Variants in SLC5A6 observed in about 807,000 individuals in gnomAD.
SLC5A6 encodes the protein sodium-dependent multivitamin transporter.
A neutral mutation model predicts 67.9 loss-of-function variants in SLC5A6; 31 were observed. The ratio of observed to expected loss-of-function variants is 0.46; its 90% confidence interval spans 0.34 to 0.62. SLC5A6 has a LOEUF of 0.62. Ranked by LOEUF, SLC5A6 falls within the 20% of genes least tolerant of loss-of-function variation. The probability of loss-of-function intolerance (pLI) is 0.01; values close to 1 mark genes in which losing one functional copy is unlikely to be tolerated. For synonymous variants in SLC5A6, 343 were observed against 331.0 expected (o/e 1.04, Z -0.39); for missense variants, 673 against 812.8 (o/e 0.83, Z 2.09).
At chr2:27,203,707 G>T in intron 10 of SLC5A6, 72 bp downstream of exon 10, 1 of 1,136,770 alleles carries the variant, frequency 8.8e-7, no homozygotes, top group Non-Finnish European at 1.3e-6. Context: ...CTATCACCCC[G>T]CTCCACCCAT....
Position 27,207,425 on chromosome 2 carries a change from G to A in SLC5A6, c.226C>T (p.Leu76=), listed in dbSNP as rs759059457. The A allele has an allele frequency of 1.9e-6, 3 of 1,614,244 alleles. No homozygotes were observed. Among genetic ancestry groups the A allele is most frequent in the East Asian group, 2.2e-5 (1 of 44,890 alleles). ...MGCLPVALSL[L]ATFQSAVAIL... is the part of the protein sequence containing the mutation. ...GCCACGGCTGACTGGAAGGTGGCCA[G>A]CAGGGACAGTGCCACCGGAAGGCAG... The change falls in exon 3 of 17, where the codon CTG becomes TTG. Residue 76 remains leucine, a synonymous_variant. Coordinates refer to ENST00000310574, the MANE Select transcript of SLC5A6 (RefSeq NM_021095.4). This position sits in a 1 kb window ranked among gnomAD's most constrained non-coding sequence, Gnocchi z 5.5.
intron 8 of SLC5A6, 83 bp downstream of exon 8, chr2:27,204,708 T>A: frequency 6.2e-7 from 1 of 1,603,740 alleles, no homozygotes; most frequent in Non-Finnish European, 8.5e-7. Context: ...GTATGCACTC[T>A]GGCATCCTGC....
rs1673836026 is a variant in SLC5A6 at position 27,203,834 on chromosome 2, C to T, written c.1039G>A (p.Gly347Ser). 1.9e-6 allele frequency: 3 copies of T among 1,614,064 alleles called. No individual in the cohort carries two copies. The African/African-American group carries it at 4.0e-5, about 22-fold the overall frequency. The change falls in exon 10 of 17, where the codon GGC becomes AGC. Residue 347 changes from glycine (G) to serine (S), a missense_variant. By Grantham distance (56) the Gly-to-Ser change is moderately conservative. Coordinates refer to ENST00000310574, the MANE Select transcript of SLC5A6 (RefSeq NM_021095.4). ...VLYFVMDLLK[G>S]LPGLPGLFIA... ...AAGAGCCCTGGCAGGCCTGGCAGGC[C>T]CTTCAGGAGATCCATCACAAAGTAC... is the stretch of plus-strand genomic sequence containing the variant.
In SLC5A6 at chr2:27,206,938, A is replaced by C; in HGVS notation, c.398T>G (p.Leu133Arg). Residue 133 changes from leucine to arginine, a missense_variant, in exon 4 of 17, where the codon CTG becomes CGG. Physicochemically the swap from Leu to Arg is moderately radical, Grantham distance 102 (BLOSUM62 -2). Coordinates refer to ENST00000310574, the MANE Select transcript of SLC5A6 (RefSeq NM_021095.4). ...CACAGTTTTATTGAATCGAAGCTCC[A>C]GGTACTGGGTATACAGAAAAAAAGA... ...RLHLTSAYEY[L>R]ELRFNKTVRV... is the part of the protein sequence containing the mutation. 2 of 1,612,656 alleles carry C rather than the reference A, an allele frequency of 1.2e-6. No individual in the cohort carries two copies. The highest frequency in any genetic ancestry group is 1.7e-6 in the Non-Finnish European group (2 of 1,178,644).
upstream of SLC5A6, chr2:27,212,421 C>T (rs1350263173): frequency 1.9e-6 from 3 of 1,555,396 alleles, no homozygotes; most frequent in South Asian, 3.6e-5. Flanking sequence ...TGGGCTGCCG[C>T]CCTGCTCCTC....
intron 2 of SLC5A6, among the ~76,000 whole-genome samples, chr2:27,209,660 AC>A (rs1404264527): frequency 6.6e-6 from 1 of 152,222 alleles, no homozygotes; most frequent in Non-Finnish European, 1.5e-5. Flanking sequence ...TTAGATTTCA[AC>A]TAATCAAGAG....
chr2:27,205,981 T>A (rs1299727156), intron 6 of SLC5A6, 45 bp downstream of exon 6: 1 of 1,414,204 alleles, frequency 7.1e-7, no homozygotes, highest in East Asian at 2.3e-5. Flanking sequence ...GTCCCCTCCT[T>A]ACTTCATCCC....
chr2:27,205,614 C>T, intron 6 of SLC5A6, 110 bp from the exon 7 acceptor site: 11 of 1,349,080 alleles, frequency 8.2e-6, no homozygotes, highest in Non-Finnish European at 1.2e-5. Context: ...TTGTTTTAGG[C>T]TTTTTGCAGC....
chr2:27,203,021 C>T (rs1673771442), intron 11 of SLC5A6, 141 bp from the exon 12 acceptor site: 2 of 1,510,212 alleles, frequency 1.3e-6, no homozygotes, highest in South Asian at 1.3e-5. Flanking sequence ...CCCCAGCTTC[C>T]TCCCACCAAG....
rs757880174 is a variant in SLC5A6 at position 27,206,859 on chromosome 2, T to A, written c.459+18A>T. 4 of 1,604,206 alleles carry A rather than the reference T, an allele frequency of 2.5e-6. No homozygotes were observed. The highest frequency in any genetic ancestry group is 3.4e-6 in the Non-Finnish European group (4 of 1,170,822). On this transcript the variant is annotated intron_variant, in intron 4 of 16. Coordinates refer to ENST00000310574, the MANE Select transcript of SLC5A6 (RefSeq NM_021095.4). ...CCCAACATGCCCTAGGCTCGGTTTC[T>A]ATCCTCATTCTGCTTACCATCTGAA...
Position 27,200,421 on chromosome 2 carries a change from G to T in SLC5A6, c.*15C>A, listed in dbSNP as rs775143012. 6.2e-7 allele frequency: 1 copy of T among 1,602,588 alleles called. No individual in the cohort carries two copies. Among genetic ancestry groups the T allele is most frequent in the Non-Finnish European group, 8.5e-7 (1 of 1,173,820 alleles). Reference sequence around the variant, plus strand: ...CCTGGCACAGTGAGGACAGAGGCGGGGTCCTGAGTCAACATCACAGGGAGG... The same window carrying T: ...CCTGGCACAGTGAGGACAGAGGCGGTGTCCTGAGTCAACATCACAGGGAGG... On this transcript the variant is annotated 3_prime_UTR_variant, in exon 17 of 17. Coordinates refer to ENST00000310574, the MANE Select transcript of SLC5A6 (RefSeq NM_021095.4).
chr2:27,206,013 T>C lies in SLC5A6; in HGVS notation c.579+13A>G. On this transcript the variant is annotated intron_variant, in intron 6 of 16. Coordinates refer to ENST00000310574, the MANE Select transcript of SLC5A6 (RefSeq NM_021095.4). ...TCCCTTCCCCTCCCCACACCACGGC[T>C]TACTGCACTTACCAGAGCTGTATAG... The C allele has an allele frequency of 1.9e-6, 3 of 1,604,406 alleles. No individual in the cohort carries two copies. The highest frequency in any genetic ancestry group is 2.6e-6 in the Non-Finnish European group (3 of 1,171,142).
chr2:27,202,695 G>A, intron 12 of SLC5A6, 118 bp downstream of exon 12: 1 of 879,540 alleles, frequency 1.1e-6, no homozygotes. Context: ...CATCAAAGGG[G>A]AATCTCTTAC....
In SLC5A6 at chr2:27,201,648, T is replaced by G; in HGVS notation, c.1544+18A>C. On this transcript the variant is annotated intron_variant, in intron 14 of 16. Transcript: ENST00000310574. ...GGAGGGCTTTGAGAAAACAAGAAGA[T>G]AGCAAGCCCTGCCTTACTTGGAGAA... 1 of 1,610,340 alleles carries G rather than the reference T, an allele frequency of 6.2e-7. No homozygotes were observed. The highest frequency in any genetic ancestry group is 8.5e-7 in the Non-Finnish European group (1 of 1,177,154).
Position 27,212,054 on chromosome 2 carries a change from G to C in SLC5A6, c.-242C>G. The C allele has an allele frequency of 9.3e-7, 1 of 1,072,594 alleles. No individual in the cohort carries two copies. The highest frequency in any genetic ancestry group is 1.3e-6 in the Non-Finnish European group (1 of 769,874). The allele number at this position is 1,072,594 out of a possible 1,614,324, so 66.4% of individuals were successfully genotyped here. A position where few individuals can be genotyped will look rare whatever the true frequency, so the allele number is the denominator to read the frequency against. Reference sequence around the variant, plus strand: ...ATGGAGGGGCCCGAGTTTCTGCGAAGCCGCGACCTCGGCGTCCGGACGCGG... The same window carrying C: ...ATGGAGGGGCCCGAGTTTCTGCGAACCCGCGACCTCGGCGTCCGGACGCGG... On this transcript the variant is annotated 5_prime_UTR_variant, in exon 1 of 17. Coordinates refer to ENST00000310574, the MANE Select transcript of SLC5A6 (RefSeq NM_021095.4).
At position 27,203,871 on chromosome 2, in the gene SLC5A6, C is replaced by T. The variant is rs1403655711; in HGVS notation, c.1006-4G>A. 4 of 1,612,532 alleles carry T rather than the reference C, an allele frequency of 2.5e-6. No homozygotes were observed. Among genetic ancestry groups the T allele is most frequent in the Admixed American group, 3.3e-5 (2 of 59,974 alleles). ...CCATCACAAAGTACAGGACGAACTG[C>T]AAGCAGAGCGGAGGTACACAGCAGT... On this transcript the variant is annotated splice_region_variant and splice_polypyrimidine_tract_variant and intron_variant, in intron 9 of 16. Coordinates refer to ENST00000310574, the MANE Select transcript of SLC5A6 (RefSeq NM_021095.4).
intron 9 of SLC5A6, among the ~76,000 whole-genome samples, chr2:27,204,148 T>C (rs1034338424): frequency 6.6e-6 from 1 of 152,176 alleles, no homozygotes; most frequent in Non-Finnish European, 1.5e-5. Context: ...GTCTGTTTTC[T>C]CCTCTGTGAA....
At chr2:27,212,564 G>A, upstream of SLC5A6, 4 of 1,484,170 alleles carry the variant, frequency 2.7e-6, no homozygotes, top group Non-Finnish European at 2.7e-6. Flanking sequence ...GCGGGCCTGC[G>A]GTTCTGATTT....
At position 27,207,677 on chromosome 2, in the gene SLC5A6, C is replaced by A; in HGVS notation, c.-27G>T. The A allele has an allele frequency of 6.3e-7, 1 of 1,589,278 alleles. No homozygotes were observed. The highest frequency in any genetic ancestry group is 8.6e-7 in the Non-Finnish European group (1 of 1,164,486). On this transcript the variant is annotated 5_prime_UTR_variant, in exon 3 of 17. Coordinates refer to ENST00000310574, the MANE Select transcript of SLC5A6 (RefSeq NM_021095.4). This position sits in a 1 kb window ranked among gnomAD's most constrained non-coding sequence, Gnocchi z 5.5. ...TCCTCACTGTGTCTGTGATCTGCAG[C>A]CAGTTGCTGCTCCAGGGCTCTGGGG...
Sources: allele counts gnomAD v4.1 joint callset (sites outside exome capture counted in the v4.1 genomes callset), GRCh38; gene constraint gnomAD v4.1.1; non-coding constraint Gnocchi (gnomAD v3.1); transcripts MANE v1.5; gene names NCBI Gene and HGNC (gene_info 2026-07-23, HGNC 2026-07-21).